RABGAP1L: variants seen among roughly 807,000 people sequenced by gnomAD.
RABGAP1L encodes RAB GTPase activating protein 1 like.
A neutral mutation model predicts 137.7 loss-of-function variants in RABGAP1L; 63 were observed. The observed-to-expected ratio is 0.46, with a 90% CI of 0.37 to 0.56. The LOEUF is 0.56. Ranked by LOEUF, RABGAP1L falls within the 20% of genes least tolerant of loss-of-function variation. The pLI, the probability that RABGAP1L is intolerant of heterozygous loss-of-function variation, is 0.00. For missense variants in RABGAP1L, 1,095 were observed against 1,244.0 expected (o/e 0.88, Z 1.80); for synonymous variants, 431 against 433.7 (o/e 0.99, Z 0.08).
intron 13 of RABGAP1L, among the ~76,000 whole-genome samples, chr1:174,519,219 T>TAC (rs34114157): frequency 0.21 from 32,164 of 150,572 alleles, 3,719 homozygotes; most frequent in Admixed American, 0.25. Context: ...CATATATATA[T>TAC]ACACACACAC....
chr1:174,706,668 A>G (rs1234720044), intron 17 of RABGAP1L, among the ~76,000 whole-genome samples: 1 of 152,188 alleles, frequency 6.6e-6, no homozygotes, highest in African/African-American at 2.4e-5. Flanking sequence ...ACCAGCACCC[A>G]GATTTAAAAA....
chr1:174,227,111 C>G (rs28399009), intron 3 of RABGAP1L, among the ~76,000 whole-genome samples: 1 of 151,682 alleles, frequency 6.6e-6, no homozygotes, highest in Non-Finnish European at 1.5e-5. Context: ...TGTATAAATA[C>G]TTGCATAATA....
chr1:174,796,056 T>G (rs990208864), intron 18 of RABGAP1L, among the ~76,000 whole-genome samples: 3 of 152,274 alleles, frequency 2.0e-5, no homozygotes, highest in South Asian at 4.1e-4. Flanking sequence ...TAAGTTTTTC[T>G]TCTCTATGGG....
chr1:174,988,839 G>A lies in RABGAP1L; in HGVS notation c.3003+1G>A. On this transcript the variant is annotated splice_donor_variant, in intron 25 of 25. Coordinates refer to ENST00000681986, the MANE Select transcript of RABGAP1L (RefSeq NM_001366446.1). LOFTEE classifies it high-confidence loss of function. The stretch of plus-strand genomic sequence containing the variant: ...GGTGGAGGCCAAGTGTAAAATTCAG[G>A]TTGGTGATTTGATAAAAGAACAAGA... 1 of 1,535,068 alleles carries A rather than the reference G, an allele frequency of 6.5e-7. No individual in the cohort carries two copies. The highest frequency in any genetic ancestry group is 8.8e-7 in the Non-Finnish European group (1 of 1,140,676).
chr1:174,185,960 A>G (rs985274433), intron 1 of RABGAP1L, among the ~76,000 whole-genome samples: 7 of 152,092 alleles, frequency 4.6e-5, no homozygotes, highest in Admixed American at 2.6e-4. Context: ...CCTGACCAAC[A>G]TGGAGAAACC....
At chr1:174,469,968 C>A (rs1485687800) in intron 13 of RABGAP1L, among the ~76,000 whole-genome samples, 5 of 151,932 alleles carry the variant, frequency 3.3e-5, no homozygotes, top group Non-Finnish European at 5.9e-5. Flanking sequence ...AAAAGTTCTA[C>A]TTTTTTCAGG....
At chr1:174,984,026 CTGAAG>C (rs1396720063) in intron 24 of RABGAP1L, among the ~76,000 whole-genome samples, 1 of 144,622 alleles carries the variant, frequency 6.9e-6, no homozygotes, top group Non-Finnish European at 1.5e-5. Flanking sequence ...GTTAACTCTC[CTGAAG>C]TGAATTTTTT....
intron 13 of RABGAP1L, among the ~76,000 whole-genome samples, chr1:174,396,841 T>C (rs995488362): frequency 2.0e-5 from 3 of 152,054 alleles, no homozygotes; most frequent in Non-Finnish European, 2.9e-5. Flanking sequence ...AAAAATACTT[T>C]AAGATCAAGA....
At chr1:174,819,161 T>G (rs562525983) in intron 19 of RABGAP1L, among the ~76,000 whole-genome samples, 2 of 120,206 alleles carry the variant, frequency 1.7e-5, no homozygotes, top group South Asian at 2.5e-4. Flanking sequence ...CCAGCCCAGG[T>G]GACAGAGCAA....
chr1:174,641,179 C>G (rs1326142988), intron 14 of RABGAP1L, among the ~76,000 whole-genome samples: 1 of 151,826 alleles, frequency 6.6e-6, no homozygotes, highest in African/African-American at 2.4e-5. Context: ...GAAATCAACT[C>G]TGTTTTCAAG....
At chr1:174,731,921 G>A (rs188380588) in intron 17 of RABGAP1L, among the ~76,000 whole-genome samples, 2 of 152,206 alleles carry the variant, frequency 1.3e-5, no homozygotes, top group Admixed American at 1.3e-4. Flanking sequence ...AAGAATTATG[G>A]GCTGGGCGTG....
intron 6 of RABGAP1L, 177 bp from the exon 7 acceptor site, chr1:174,252,303 G>C (rs2148599721): frequency 1.1e-5 from 7 of 649,294 alleles, no homozygotes; most frequent in Non-Finnish European, 1.5e-5. Context: ...TGACTATAAA[G>C]TTTATAGTCA....
intron 18 of RABGAP1L, among the ~76,000 whole-genome samples, chr1:174,806,750 AATTAC>A (rs1212616798): frequency 6.6e-6 from 1 of 152,176 alleles, no homozygotes; most frequent in Admixed American, 6.5e-5. Flanking sequence ...ATTTTAGACT[AATTAC>A]ATTACATTAA....
At chr1:174,281,962 A>G (rs531662929) in intron 10 of RABGAP1L, among the ~76,000 whole-genome samples, 2 of 152,300 alleles carry the variant, frequency 1.3e-5, no homozygotes, top group East Asian at 1.9e-4. Flanking sequence ...AGCTTTCTTC[A>G]TGTAACAATG....
intron 13 of RABGAP1L, among the ~76,000 whole-genome samples, chr1:174,632,894 G>A (rs926619288): frequency 1.6e-4 from 24 of 151,690 alleles, no homozygotes; most frequent in Admixed American, 1.1e-3. Flanking sequence ...CTCTCAGCTC[G>A]TCAAAATCAT....
chr1:174,524,005 T>G (rs912297363), intron 13 of RABGAP1L, among the ~76,000 whole-genome samples: 21 of 152,246 alleles, frequency 1.4e-4, no homozygotes, highest in African/African-American at 3.6e-4. Flanking sequence ...ATTGTATATA[T>G]GTACAACATT....
intron 17 of RABGAP1L, among the ~76,000 whole-genome samples, chr1:174,703,711 G>A (rs1184000154): frequency 6.6e-6 from 1 of 152,134 alleles, no homozygotes; most frequent in Non-Finnish European, 1.5e-5. Flanking sequence ...CACCAGCAGT[G>A]TGGACTCTTT....
chr1:174,285,662 A>G (rs1222535574), intron 10 of RABGAP1L, among the ~76,000 whole-genome samples: 1 of 152,008 alleles, frequency 6.6e-6, no homozygotes, highest in East Asian at 1.9e-4. Context: ...ACTATGTTGA[A>G]TAGATGTGGT....
chr1:174,916,778 G>A (rs1195110260), intron 19 of RABGAP1L, among the ~76,000 whole-genome samples: 5 of 152,096 alleles, frequency 3.3e-5, no homozygotes, highest in Non-Finnish European at 7.4e-5. Context: ...ACTTGTCACT[G>A]GCCATACCTA....
Sources: gnomAD v4.1 joint callset for allele counts (sites outside exome capture counted in the v4.1 genomes callset) on GRCh38, gnomAD v4.1.1 for gene constraint, MANE v1.5 for transcripts, NCBI Gene and HGNC (gene_info 2026-07-23, HGNC 2026-07-21) for gene names.